DSG3: variants seen among roughly 807,000 people sequenced by gnomAD.
DSG3 encodes the protein desmoglein 3, also known as desmoglein-3.
Under a neutral mutation model 85.9 loss-of-function variants are expected in DSG3, and 63 were observed. The ratio of observed to expected loss-of-function variants is 0.73; its 90% CI spans 0.60 to 0.90. DSG3 has a LOEUF of 0.90. Among genes scored for constraint, DSG3 ranks in the 40% least tolerant of loss-of-function variants. DSG3 has a pLI of 0.00. For synonymous variants in DSG3, 447 were observed against 441.9 expected (o/e 1.01, Z -0.14); for missense variants, 1,220 against 1,219.9 (o/e 1.00, Z 0.00).
Position 31,476,282 on chromosome 18 carries a change from C to A in DSG3, c.*22C>A. 1 of 1,582,464 alleles carries A rather than the reference C, an allele frequency of 6.3e-7. No individual in the cohort carries two copies. Among genetic ancestry groups the A allele is most frequent in the Non-Finnish European group, 8.6e-7 (1 of 1,163,714 alleles). ...ATGACCAGAATGAGCTGGAATACCA[C>A]ACTGACCAAATCTGGATCTTTGGAC... On this transcript the variant is annotated 3_prime_UTR_variant, in exon 16 of 16. Transcript: ENST00000257189.
chr18:31,469,254 C>A lies in DSG3; in HGVS notation c.1802C>A (p.Thr601Asn), dbSNP rs772273175. 1.1e-5 allele frequency: 17 copies of A among 1,614,072 alleles called. No homozygotes were observed. Among genetic ancestry groups the A allele is most frequent in the Non-Finnish European group, 1.4e-5 (16 of 1,180,038 alleles). ...NRGICGTSYP[T>N]TSPGTRYGRP... ...GGCATCTGTGGAACTTCTTACCCAA[C>A]CACAAGCCCTGGGACCAGGTATGGC... Residue 601 changes from threonine (T) to asparagine (N), a missense_variant, in exon 12 of 16, where the codon ACC becomes AAC. By Grantham distance (65) the Thr-to-Asn change is moderately conservative. Coordinates refer to ENST00000257189, the MANE Select transcript of DSG3 (RefSeq NM_001944.3).
chr18:31,453,696 C>A (rs1483237118), intron 1 of DSG3, among the ~76,000 whole-genome samples: 3 of 151,916 alleles, frequency 2.0e-5, no homozygotes, highest in Non-Finnish European at 4.4e-5. Context: ...TTAAAATTTA[C>A]AAAATAACCA....
intron 1 of DSG3, among the ~76,000 whole-genome samples, chr18:31,451,343 A>G (rs1262802897): frequency 6.6e-6 from 1 of 152,220 alleles, no homozygotes; most frequent in Non-Finnish European, 1.5e-5. Context: ...TTCCTCACTA[A>G]AAATTAATAG....
At chr18:31,451,828 C>T (rs2072713354) in intron 1 of DSG3, among the ~76,000 whole-genome samples, 1 of 152,202 alleles carries the variant, frequency 6.6e-6, no homozygotes, top group Non-Finnish European at 1.5e-5. Flanking sequence ...ACTCAGTGCT[C>T]ATGAGGTTTC....
chr18:31,472,042 T>A (rs1385884277), intron 12 of DSG3, among the ~76,000 whole-genome samples: 1 of 152,162 alleles, frequency 6.6e-6, no homozygotes, highest in Middle Eastern at 3.2e-3. Context: ...TAAGAAAATA[T>A]ACCAAAAAAA....
chr18:31,464,084 T>G, intron 8 of DSG3, 27 bp from the exon 9 acceptor site: 1 of 1,598,208 alleles, frequency 6.3e-7, no homozygotes. Flanking sequence ...TTTGTGAAAC[T>G]GCCTTCTAAT....
In DSG3 at chr18:31,469,077, C is replaced by T. The variant is rs756951220; in HGVS notation, c.1637-12C>T. 1 of 1,610,912 alleles carries T rather than the reference C, an allele frequency of 6.2e-7. No individual in the cohort carries two copies. The highest frequency in any genetic ancestry group is 1.1e-5 in the South Asian group (1 of 91,030). On this transcript the variant is annotated splice_polypyrimidine_tract_variant and intron_variant, in intron 11 of 15. Transcript: ENST00000257189. ...CGTCCTACTGTTGATTTGCATGATT[C>T]TTTCTCTACAGCTACCTCGGCCCTC... is the stretch of plus-strand genomic sequence containing the variant.
intron 2 of DSG3, 51 bp from the exon 3 acceptor site, chr18:31,456,942 G>A (rs754516596): frequency 1.3e-6 from 2 of 1,573,586 alleles, no homozygotes; most frequent in South Asian, 1.2e-5. Context: ...AATATTCTAA[G>A]CAAAAATTGC....
intron 12 of DSG3, among the ~76,000 whole-genome samples, chr18:31,470,950 T>C (rs2072851782): frequency 1.3e-5 from 2 of 152,212 alleles, no homozygotes; most frequent in African/African-American, 4.8e-5. Flanking sequence ...GTGGTGTTTG[T>C]ACTTTATCCT....
At chr18:31,468,281 A>G (rs2072834256) in intron 11 of DSG3, among the ~76,000 whole-genome samples, 1 of 152,232 alleles carries the variant, frequency 6.6e-6, no homozygotes, top group African/African-American at 2.4e-5. Flanking sequence ...CACTTGAGGT[A>G]GTAGCAGCCA....
chr18:31,465,401 G>A lies in DSG3; in HGVS notation c.1355G>A (p.Arg452Gln), dbSNP rs770073709. 57 of 1,546,500 alleles carry A rather than the reference G, an allele frequency of 3.7e-5. No homozygotes were observed. The highest frequency in any genetic ancestry group is 5.0e-5 in the Non-Finnish European group (57 of 1,147,880). Residue 452 changes from arginine (R) to glutamine (Q), a missense_variant, in exon 10 of 16, where the codon CGA (arginine) becomes CAA (glutamine). Arg to Gln is a conservative substitution (Grantham distance 43, BLOSUM62 1). Transcript: ENST00000257189. ...AEIKFVKNMNRDSTFIVNKTI... is the reference protein window; with the variant it reads ...AEIKFVKNMNQDSTFIVNKTI... ...ATCAAATTTGTCAAAAATATGAACC[G>A]AGATTCTACTTTCATAGTTAACAAA...
At chr18:31,473,725 C>A (rs1020153941) in intron 14 of DSG3, among the ~76,000 whole-genome samples, 1 of 152,186 alleles carries the variant, frequency 6.6e-6, no homozygotes, top group Non-Finnish European at 1.5e-5. Flanking sequence ...GATTACATTA[C>A]GTATGTTTCC....
Position 31,477,908 on chromosome 18 carries a change from C to T in DSG3, c.*1648C>T, listed in dbSNP as rs2072899388. 6.6e-6 allele frequency: 1 copy of T among 152,118 alleles called. No homozygotes were observed. The highest frequency in any genetic ancestry group is 6.6e-5 in the Admixed American group (1 of 15,266). 9.4% of individuals were successfully genotyped at this position (152,118 alleles called of 1,614,324 possible). ...TCTTCGTTTTTCACCATATTCAAAA[C>T]CTAAATTTGTTTTTGCAGATGGAAT... is the stretch of plus-strand genomic sequence containing the variant. On this transcript the variant is annotated 3_prime_UTR_variant, in exon 16 of 16. Coordinates refer to ENST00000257189, the MANE Select transcript of DSG3 (RefSeq NM_001944.3).
chr18:31,477,490 G>A lies in DSG3; in HGVS notation c.*1230G>A, dbSNP rs1189484902. On this transcript the variant is annotated 3_prime_UTR_variant, in exon 16 of 16. Transcript: ENST00000257189. ...TAGAATAACACATAGGGCAATCTGT[G>A]AATATGTATTATAAGCAGCATTCCA... 2.0e-5 allele frequency: 3 copies of A among 152,176 alleles called. No individual in the cohort carries two copies. Among genetic ancestry groups the A allele is most frequent in the Non-Finnish European group, 4.4e-5 (3 of 68,028 alleles). The allele number at this position is 152,176 out of a possible 1,614,324, so 9.4% of individuals were successfully genotyped here.
intron 15 of DSG3, among the ~76,000 whole-genome samples, chr18:31,474,982 T>C (rs2072877690): frequency 6.6e-6 from 1 of 151,956 alleles, no homozygotes; most frequent in Non-Finnish European, 1.5e-5. Context: ...GAGAGAGGGG[T>C]AGAGTATTCA....
At chr18:31,470,592 C>G (rs1457062687) in intron 12 of DSG3, among the ~76,000 whole-genome samples, 2 of 152,078 alleles carry the variant, frequency 1.3e-5, no homozygotes, top group African/African-American at 2.4e-5. Flanking sequence ...TAGCTTCTAG[C>G]TGAAAAGGAA....
intron 12 of DSG3, 43 bp downstream of exon 12, chr18:31,469,392 C>T (rs766050538): frequency 1.1e-5 from 17 of 1,605,308 alleles, no homozygotes; most frequent in Non-Finnish European, 1.3e-5. Context: ...CAGGTGTCCT[C>T]ATTTGCAAAG....
chr18:31,474,442 T>C (rs749687114), intron 15 of DSG3, 38 bp downstream of exon 15: 5 of 1,561,684 alleles, frequency 3.2e-6, no homozygotes, highest in East Asian at 2.3e-5. Context: ...GATTATCTTA[T>C]TTACATTAGA....
In DSG3 at chr18:31,447,861, C is replaced by A; in HGVS notation, c.-17C>A. The A allele has an allele frequency of 6.3e-7, 1 of 1,583,726 alleles. No homozygotes were observed. Among genetic ancestry groups the A allele is most frequent in the Non-Finnish European group, 8.6e-7 (1 of 1,168,238 alleles). ...CAGCGGCTCACTTGGACTTTTTCAC[C>A]AGGGAAATCAGAGACAATGATGGGG... On this transcript the variant is annotated 5_prime_UTR_variant, in exon 1 of 16. Coordinates refer to ENST00000257189, the MANE Select transcript of DSG3 (RefSeq NM_001944.3).
Sources: gnomAD v4.1 joint callset for allele counts (sites outside exome capture counted in the v4.1 genomes callset) on GRCh38, gnomAD v4.1.1 for gene constraint, MANE v1.5 for transcripts, NCBI Gene and HGNC (gene_info 2026-07-23, HGNC 2026-07-21) for gene names.